The following PRR16 variants were observed in gnomAD, a reference collection of about 807,000 sequenced individuals.
The protein encoded by PRR16 is protein Largen.
Under a neutral mutation model 18.2 loss-of-function variants are expected in PRR16, and 6 were observed. That is an observed-to-expected ratio of 0.33 (90% CI 0.18 to 0.65). The LOEUF (loss-of-function observed/expected upper bound fraction) is 0.65. Ranked by LOEUF, PRR16 falls within the 30% of genes least tolerant of loss-of-function variation. The pLI, the probability that PRR16 is intolerant of heterozygous loss-of-function variation, is 0.74. For missense variants in PRR16, 412 were observed against 376.6 expected (o/e 1.09, Z -0.78); for synonymous variants, 151 against 147.8 (o/e 1.02, Z -0.16).
intron 1 of PRR16, among the ~76,000 whole-genome samples, chr5:120,476,251 AC>A (rs1225875835): frequency 2.0e-5 from 3 of 152,148 alleles, no homozygotes; most frequent in African/African-American, 7.2e-5. Flanking sequence ...TTCCAGCCTG[AC>A]ATCCAGTGGT....
the PRR16 span, among the ~76,000 whole-genome samples, chr5:120,758,896 C>G: frequency 6.6e-6 from 1 of 151,346 alleles, no homozygotes; most frequent in African/African-American, 2.4e-5. Context: ...GAGCATATTT[C>G]CTTTTGAACA....
chr5:120,712,585 A>G, the PRR16 span, among the ~76,000 whole-genome samples: 1 of 152,184 alleles, frequency 6.6e-6, no homozygotes, highest in Non-Finnish European at 1.5e-5. Flanking sequence ...TATGTTTAAT[A>G]TTCAAAATAT....
intron 1 of PRR16, among the ~76,000 whole-genome samples, chr5:120,582,196 C>T (rs569183397): frequency 2.0e-5 from 3 of 152,134 alleles, no homozygotes; most frequent in South Asian, 4.1e-4. Flanking sequence ...AGAGAACTAA[C>T]TCAGAAACAG....
rs141511240 is a variant in PRR16, at chr5:120,572,074, C to T, written c.159+107429C>T. ...CCGAAAGACCAGAAGTGGTAGCTGT[C>T]GGTGTCTTAAGACCTAGATCTAGAA... On this transcript the variant is annotated intron_variant, in intron 1 of 1. Transcript: ENST00000407149. Among the ~76,000 whole-genome samples the T allele has an allele frequency of 3.9e-3, 593 of 152,276 alleles. 1 individual carries two copies. Among genetic ancestry groups the T allele is most frequent in the Middle Eastern group, 0.02 (6 of 294 alleles).
intron 1 of PRR16, among the ~76,000 whole-genome samples, chr5:120,583,956 T>C (rs1489533599): frequency 6.6e-6 from 1 of 152,182 alleles, no homozygotes; most frequent in Non-Finnish European, 1.5e-5. Flanking sequence ...CTGTTATGGG[T>C]CAAGCACTGT....
chr5:120,493,402 A>G (rs1750133051), intron 1 of PRR16, among the ~76,000 whole-genome samples: 1 of 151,856 alleles, frequency 6.6e-6, no homozygotes, highest in Non-Finnish European at 1.5e-5. Flanking sequence ...TCGCTTTTAC[A>G]CTTTTTTCTT....
chr5:120,652,146 A>G (rs558359192), intron 1 of PRR16, among the ~76,000 whole-genome samples: 36 of 152,164 alleles, frequency 2.4e-4, no homozygotes, highest in African/African-American at 7.9e-4. Flanking sequence ...GTTTCTATGG[A>G]TGTACATTAA....
At chr5:120,754,076 A>G in the PRR16 span, among the ~76,000 whole-genome samples, 987 of 115,046 alleles carry the variant, frequency 8.6e-3, 15 homozygotes, top group African/African-American at 0.031. Context: ...ACTTTTTACA[A>G]TTTTGCTTAT....
chr5:120,705,666 T>C, the PRR16 span, among the ~76,000 whole-genome samples: 177 of 152,170 alleles, frequency 1.2e-3, no homozygotes, highest in Non-Finnish European at 2.0e-3. Context: ...ATTCAGGATA[T>C]AAGTTAATAA....
At chr5:120,738,254 T>C in the PRR16 span, among the ~76,000 whole-genome samples, 2 of 152,162 alleles carry the variant, frequency 1.3e-5, no homozygotes, top group African/African-American at 4.8e-5. Flanking sequence ...CTCGTGGGTA[T>C]AGCTGTAAGC....
chr5:120,534,772 A>T (rs551957925), intron 1 of PRR16, among the ~76,000 whole-genome samples: 1 of 152,148 alleles, frequency 6.6e-6, no homozygotes, highest in African/African-American at 2.4e-5. Flanking sequence ...TGTTGCCTCT[A>T]TGTATTTAGA....
chr5:120,691,985 A>G (rs1263942918), downstream of PRR16, among the ~76,000 whole-genome samples: 1 of 152,218 alleles, frequency 6.6e-6, no homozygotes, highest in Non-Finnish European at 1.5e-5. Flanking sequence ...TTTACATATG[A>G]GAAAACTGTG....
chr5:120,539,834 G>GT lies in PRR16; in HGVS notation c.159+75198dup, dbSNP rs75029437. ...GTGAAAAACACTGTATGAATATTAG[G>GT]TTTTTTTTTCTTTTTTTTGGATGAG... On this transcript the variant is annotated intron_variant, in intron 1 of 1. Coordinates refer to ENST00000407149, the MANE Select transcript of PRR16 (RefSeq NM_001300783.2). Among the ~76,000 whole-genome samples the GT allele has an allele frequency of 2.1e-3, 315 of 151,480 alleles. 2 individuals carry two copies. The highest frequency in any genetic ancestry group is 3.5e-3 in the Non-Finnish European group (240 of 67,808).
At position 120,490,981 on chromosome 5, in the gene PRR16, A is replaced by T. The variant is rs530361939; in HGVS notation, c.159+26336A>T. Among the ~76,000 whole-genome samples, 8 of 152,352 alleles carry T rather than the reference A, an allele frequency of 5.3e-5. 1 individual carries two copies. The East Asian group carries it at 1.5e-3, about 29-fold the overall frequency. ...TGCACAACAGCGGATATTGGTGAAC[A>T]GCAAATGTTGCTGCCTGATCATTCC... On this transcript the variant is annotated intron_variant, in intron 1 of 1. Coordinates refer to ENST00000407149, the MANE Select transcript of PRR16 (RefSeq NM_001300783.2).
the PRR16 span, among the ~76,000 whole-genome samples, chr5:120,726,055 GGTT>G: frequency 6.6e-6 from 1 of 151,938 alleles, no homozygotes; most frequent in Non-Finnish European, 1.5e-5. Context: ...TTGGCACTAA[GGTT>G]GTTCATTTTA....
At chr5:120,486,722 A>G (rs1321582165) in intron 1 of PRR16, among the ~76,000 whole-genome samples, 1 of 152,086 alleles carries the variant, frequency 6.6e-6, no homozygotes, top group African/African-American at 2.4e-5. Context: ...GTCCTTGCCC[A>G]TGTCTCTGTC....
rs191484016 is a variant in PRR16 at position 120,468,122 on chromosome 5, T to A, written c.159+3477T>A. Among the ~76,000 whole-genome samples, 321 of 152,304 alleles carry A rather than the reference T, an allele frequency of 2.1e-3. 1 individual carries two copies. Among genetic ancestry groups the A allele is most frequent in the African/African-American group, 7.5e-3 (313 of 41,586 alleles). ...GAATGAGAGTGAGTATATGTTGATT[T>A]ATAAAATGATGTGTGCTGCATACTT... On this transcript the variant is annotated intron_variant, in intron 1 of 1. Transcript: ENST00000407149.
chr5:120,650,066 A>G (rs1406919676), intron 1 of PRR16, among the ~76,000 whole-genome samples: 8 of 151,908 alleles, frequency 5.3e-5, no homozygotes, highest in Non-Finnish European at 8.8e-5. Context: ...AAAAATGCAA[A>G]AATTAACTGG....
At chr5:120,507,435 C>G (rs1750682372) in intron 1 of PRR16, among the ~76,000 whole-genome samples, 1 of 152,050 alleles carries the variant, frequency 6.6e-6, no homozygotes, top group Admixed American at 6.6e-5. Flanking sequence ...AAAAACCTTA[C>G]AGTTAGCAAA....
Sources: gnomAD v4.1 joint callset for allele counts (sites outside exome capture counted in the v4.1 genomes callset) on GRCh38, gnomAD v4.1.1 for gene constraint, MANE v1.5 for transcripts, NCBI Gene and HGNC (gene_info 2026-07-23, HGNC 2026-07-21) for gene names.